Variants in CWF19L1 observed in about 807,000 individuals in gnomAD.
CWF19L1 encodes the protein CWF19-like protein 1.
CWF19L1 carries 60 observed loss-of-function variants against 69.7 expected under a neutral mutation model. That is an observed-to-expected ratio of 0.86 (90% CI 0.70 to 1.07). The LOEUF is 1.07. CWF19L1 is among the 50% of genes least tolerant of loss of function. The probability of loss-of-function intolerance (pLI) is 0.00; values close to 1 mark genes in which losing one functional copy is unlikely to be tolerated. For synonymous variants in CWF19L1, 209 were observed against 222.2 expected, an observed-to-expected ratio of 0.94 and a Z score of 0.53; for missense variants, 591 against 638.9, an observed-to-expected ratio of 0.92 and a Z score of 0.81.
chr10:100,245,910 C>T lies in CWF19L1; in HGVS notation c.853G>A (p.Glu285Lys). The change falls in exon 9 of 14, where the codon GAA (glutamate) becomes AAA (lysine). Residue 285 changes from glutamate to lysine, a missense_variant. By Grantham distance (56) the Glu-to-Lys change is moderately conservative. Transcript: ENST00000354105. ...TCAAAGAAAAACTGACAGGCTGATT[C>T]TTCCTGGAATGGCCAAAAGCAGAAG... ...IGKQILAPVE[E>K]SACQFFFDLN... The T allele has an allele frequency of 1.9e-6, 3 of 1,612,486 alleles. No homozygotes were observed. The highest frequency in any genetic ancestry group is 2.5e-6 in the Non-Finnish European group (3 of 1,178,542).
At chr10:100,261,326 C>T (rs1487598535) in intron 2 of CWF19L1, among the ~76,000 whole-genome samples, 1 of 152,220 alleles carries the variant, frequency 6.6e-6, no homozygotes, top group Non-Finnish European at 1.5e-5. Context: ...AAGTGCTCCT[C>T]AAATTCCCAG....
At chr10:100,261,119 C>G in intron 2 of CWF19L1, 75 bp from the exon 3 acceptor site, 1 of 949,782 alleles carries the variant, frequency 1.1e-6, no homozygotes, top group Non-Finnish European at 1.6e-6. Context: ...TAATATTCAA[C>G]TAGTTATTTA....
chr10:100,234,517 G>A lies in CWF19L1; in HGVS notation c.1473-1146C>T, dbSNP rs76819988. ...GCTGAGGCAACAACGAAAACATCAC[G>A]TCAGATGTCTGAATCTCGTAGCACA... On this transcript the variant is annotated intron_variant, in intron 13 of 13. Coordinates refer to ENST00000354105, the MANE Select transcript of CWF19L1 (RefSeq NM_018294.6). Among the ~76,000 whole-genome samples, 399 of 152,222 alleles carry A rather than the reference G, an allele frequency of 2.6e-3. 3 individuals are homozygous for A. Among genetic ancestry groups the A allele is most frequent in the African/African-American group, 9.3e-3 (386 of 41,534 alleles).
At chr10:100,251,505 C>CTTTTTTTTT (rs1208146959) in intron 6 of CWF19L1, among the ~76,000 whole-genome samples, 14 of 88,296 alleles carry the variant, frequency 1.6e-4, no homozygotes, top group East Asian at 3.4e-4. Flanking sequence ...GTCTATTGGC[C>CTTTTTTTTT]TTTTTTTTTT....
chr10:100,233,377 G>C lies in CWF19L1; in HGVS notation c.1473-6C>G. Reference sequence around the variant, plus strand: ...CTTCACTGGCCAGGACCTCCCTGCAGAAATAGCACAAAGAAGTCAAAATGG... The same window carrying C: ...CTTCACTGGCCAGGACCTCCCTGCACAAATAGCACAAAGAAGTCAAAATGG... On this transcript the variant is annotated splice_polypyrimidine_tract_variant and splice_region_variant and intron_variant, in intron 13 of 13. Transcript: ENST00000354105. The C allele has an allele frequency of 1.2e-6, 2 of 1,610,356 alleles. No homozygotes were observed. Among genetic ancestry groups the C allele is most frequent in the Non-Finnish European group, 1.7e-6 (2 of 1,178,338 alleles).
At chr10:100,252,005 G>A (rs2134303844) in intron 6 of CWF19L1, among the ~76,000 whole-genome samples, 1 of 152,252 alleles carries the variant, frequency 6.6e-6, no homozygotes, top group Middle Eastern at 3.4e-3. Flanking sequence ...TAGGCTGTGG[G>A]ATTATGGTAA....
At chr10:100,241,470 G>T (rs1396863077) in intron 10 of CWF19L1, among the ~76,000 whole-genome samples, 1 of 152,184 alleles carries the variant, frequency 6.6e-6, no homozygotes, top group African/African-American at 2.4e-5. Context: ...AGGATAAGTT[G>T]AAAGGATCAA....
intron 1 of CWF19L1, among the ~76,000 whole-genome samples, chr10:100,262,924 C>T (rs1201070067): frequency 7.0e-6 from 1 of 142,568 alleles, no homozygotes; most frequent in African/African-American, 3.0e-5. Flanking sequence ...TACACCTCGC[C>T]AAACTTTTTT....
intron 7 of CWF19L1, chr10:100,249,019 G>C: frequency 1.6e-6 from 1 of 620,182 alleles, no homozygotes; most frequent in South Asian, 1.7e-5. Context: ...CTTATACTCT[G>C]GGAACATCAG....
chr10:100,248,286 G>A (rs548213076), intron 7 of CWF19L1: 25 of 1,356,628 alleles, frequency 1.8e-5, no homozygotes, highest in African/African-American at 4.3e-5. Context: ...TTTTGAGTCC[G>A]TTGGCAAGTT....
Position 100,267,606 on chromosome 10 carries a change from T to A in CWF19L1, c.-13A>T, listed in dbSNP as rs141257965. On this transcript the variant is annotated 5_prime_UTR_variant, in exon 1 of 14. Transcript: ENST00000354105. ...GTTTCTGTGCCATCTGTCCGAATAG[T>A]ATGGGTTGCGACTGCCACCTAAAAT... is the stretch of plus-strand genomic sequence containing the variant. 1.2e-6 allele frequency: 2 copies of A among 1,614,036 alleles called. No individual in the cohort carries two copies. The highest frequency in any genetic ancestry group is 8.5e-7 in the Non-Finnish European group (1 of 1,180,022).
At chr10:100,248,971 C>G in intron 7 of CWF19L1, 1 of 708,320 alleles carries the variant, frequency 1.4e-6, no homozygotes, top group Non-Finnish European at 2.6e-6. Flanking sequence ...GATAGAGCTG[C>G]GCAAGCTGGA....
intron 10 of CWF19L1, among the ~76,000 whole-genome samples, 197 bp downstream of exon 10, chr10:100,243,501 A>G (rs920666888): frequency 6.6e-6 from 1 of 152,220 alleles, no homozygotes; most frequent in Non-Finnish European, 1.5e-5. Context: ...GTAAATGGGC[A>G]TAAGAGATCT....
chr10:100,247,876 A>G (rs553486229), intron 7 of CWF19L1, among the ~76,000 whole-genome samples: 80 of 152,296 alleles, frequency 5.3e-4, no homozygotes, highest in African/African-American at 1.6e-3. Context: ...AGCCTGGGCA[A>G]TAGACAGAGA....
In CWF19L1 at chr10:100,260,304, T is replaced by A. The variant is rs1345207079; in HGVS notation, c.203A>T (p.Tyr68Phe). The A allele has an allele frequency of 6.2e-7, 1 of 1,604,408 alleles. No individual in the cohort carries two copies. The highest frequency in any genetic ancestry group is 2.2e-5 in the East Asian group (1 of 44,782). Residue 68 changes from tyrosine to phenylalanine, a missense_variant, in exon 4 of 14, where the codon TAT becomes TTT. By Grantham distance (22) the Tyr-to-Phe change is conservative. Coordinates refer to ENST00000354105, the MANE Select transcript of CWF19L1 (RefSeq NM_018294.6). ...TTCCTGGTTATTAGCACCAAGCACA[T>A]ATGTCTGAATAGGAGCTAGTGAGGG... is the stretch of plus-strand genomic sequence containing the variant. ...TGIKKAPIQT[Y>F]VLGANNQETV... is the part of the protein sequence containing the mutation.
At chr10:100,252,735 C>T (rs933030301) in intron 6 of CWF19L1, among the ~76,000 whole-genome samples, 2 of 151,008 alleles carry the variant, frequency 1.3e-5, no homozygotes, top group Admixed American at 6.6e-5. Context: ...ACTCAGGAGG[C>T]TGAGGCAGGA....
rs201364775 is a variant in CWF19L1 at position 100,267,616 on chromosome 10, G to T, written c.-23C>A. 169 of 1,614,088 alleles carry T rather than the reference G, an allele frequency of 1.0e-4. No homozygotes were observed. The African/African-American group carries it at 1.6e-3, about 15-fold the overall frequency. On this transcript the variant is annotated 5_prime_UTR_variant, in exon 1 of 14. Transcript: ENST00000354105. ...CATCTGTCCGAATAGTATGGGTTGC[G>T]ACTGCCACCTAAAATTGGGAATGCG...
At chr10:100,242,804 C>T (rs547653111) in intron 10 of CWF19L1, among the ~76,000 whole-genome samples, 2 of 152,062 alleles carry the variant, frequency 1.3e-5, no homozygotes, top group South Asian at 4.1e-4. Context: ...CAAAGAAAAT[C>T]ACTTTAAATG....
intron 4 of CWF19L1, chr10:100,258,444 A>G (rs955253764): frequency 1.1e-4 from 17 of 152,208 alleles, no homozygotes; most frequent in African/African-American, 4.1e-4. Context: ...TGGCTGCCAA[A>G]TATCTACAGT....
Sources: gnomAD v4.1 joint callset for allele counts (sites outside exome capture counted in the v4.1 genomes callset) on GRCh38, gnomAD v4.1.1 for gene constraint, MANE v1.5 for transcripts, NCBI Gene and HGNC (gene_info 2026-07-23, HGNC 2026-07-21) for gene names.